The following LRIF1 variants were observed in gnomAD, a reference collection of about 807,000 sequenced individuals.
LRIF1 encodes the protein ligand dependent nuclear receptor interacting factor 1.
A neutral mutation model predicts 52.7 loss-of-function variants in LRIF1; 32 were observed. The observed-to-expected ratio is 0.61, with a 90% CI of 0.46 to 0.82. The LOEUF (loss-of-function observed/expected upper bound fraction) is 0.82, where lower values mean the gene tolerates loss of function less well. Among genes scored for constraint, LRIF1 ranks in the 40% least tolerant of loss-of-function variants. The pLI, the probability that LRIF1 is intolerant of heterozygous loss-of-function variation, is 0.00. For missense variants in LRIF1, 887 were observed against 892.0 expected (o/e 0.99, Z 0.07); for synonymous variants, 323 against 317.4 (o/e 1.02, Z -0.19).
At chr1:110,878,012 G>A in the LRIF1 span, among the ~76,000 whole-genome samples, 3 of 152,234 alleles carry the variant, frequency 2.0e-5, no homozygotes, top group African/African-American at 7.2e-5. Flanking sequence ...GCCTGGGACG[G>A]TGGAAAGAGC....
the LRIF1 span, among the ~76,000 whole-genome samples, chr1:110,936,160 C>T: frequency 1.3e-5 from 2 of 152,060 alleles, no homozygotes; most frequent in Admixed American, 1.3e-4. Context: ...AAGCTGAGGG[C>T]TTTCATCAAC....
chr1:110,903,455 C>T, the LRIF1 span, among the ~76,000 whole-genome samples: 2 of 152,098 alleles, frequency 1.3e-5, no homozygotes, highest in Admixed American at 6.5e-5. Context: ...GATAGGACAC[C>T]GGTCAGAGTT....
the LRIF1 span, among the ~76,000 whole-genome samples, chr1:110,886,869 A>ATATATATATATATATATATTTTT: frequency 8.3e-4 from 69 of 82,734 alleles, no homozygotes; most frequent in Non-Finnish European, 1.3e-3. Context: ...ATATATATAT[A>ATATATATATATATATATATTTTT]TTTTTTTTTT....
chr1:110,949,480 T>C (rs1181566619), intron 3 of LRIF1, among the ~76,000 whole-genome samples: 8 of 150,298 alleles, frequency 5.3e-5, no homozygotes, highest in Non-Finnish European at 7.4e-5. Flanking sequence ...AGTGCAATGG[T>C]GCGATCTCGG....
chr1:110,925,052 A>G, the LRIF1 span, among the ~76,000 whole-genome samples: 1 of 152,222 alleles, frequency 6.6e-6, no homozygotes, highest in Non-Finnish European at 1.5e-5. Context: ...AAAATCTACA[A>G]TGATGATTAA....
chr1:110,920,036 G>GTATTATATC, the LRIF1 span, among the ~76,000 whole-genome samples: 1 of 152,268 alleles, frequency 6.6e-6, no homozygotes, highest in South Asian at 2.1e-4. Flanking sequence ...AATCCAAAAT[G>GTATTATATC]CAGACACCAT....
In LRIF1 at chr1:110,948,146, A is replaced by C. The variant is rs1275726125; in HGVS notation, c.2123T>G (p.Leu708Trp). 1 of 1,614,114 alleles carries C rather than the reference A, an allele frequency of 6.2e-7. No homozygotes were observed. The highest frequency in any genetic ancestry group is 2.2e-5 in the East Asian group (1 of 44,870). ...YTHEKQEKGT[L>W]NSNAAYEQSH... Reference sequence around the variant, plus strand: ...TTGTTCATAAGCTGCATTTGAATTCAAAGTGCCTTTCTCTTGCTTCTCATG... The same window carrying C: ...TTGTTCATAAGCTGCATTTGAATTCCAAGTGCCTTTCTCTTGCTTCTCATG... The change falls in exon 4 of 4, where the codon TTG becomes TGG. Residue 708 changes from leucine to tryptophan, a missense_variant. By Grantham distance (61) the Leu-to-Trp change is moderately conservative. Transcript: ENST00000369763.
At chr1:110,893,647 G>C in the LRIF1 span, among the ~76,000 whole-genome samples, 1 of 152,208 alleles carries the variant, frequency 6.6e-6, no homozygotes, top group African/African-American at 2.4e-5. Flanking sequence ...TTAAACTGGA[G>C]CCAAGAGAAA....
the LRIF1 span, among the ~76,000 whole-genome samples, chr1:110,879,569 TTTTC>T: frequency 6.6e-6 from 1 of 152,200 alleles, no homozygotes; most frequent in Admixed American, 6.5e-5. Flanking sequence ...CACTGTTTTT[TTTTC>T]TTTATCTTGG....
the LRIF1 span, among the ~76,000 whole-genome samples, chr1:110,886,869 A>ATATATATATATATATATATATTTTT: frequency 1.8e-4 from 15 of 82,760 alleles, no homozygotes; most frequent in Non-Finnish European, 2.9e-4. Flanking sequence ...ATATATATAT[A>ATATATATATATATATATATATTTTT]TTTTTTTTTT....
At chr1:110,914,598 G>A in the LRIF1 span, among the ~76,000 whole-genome samples, 3 of 151,902 alleles carry the variant, frequency 2.0e-5, no homozygotes, top group Admixed American at 6.6e-5. Flanking sequence ...TACAAAAATC[G>A]TAAAATTAGC....
the LRIF1 span, among the ~76,000 whole-genome samples, chr1:110,922,296 G>T: frequency 1.3e-5 from 2 of 152,120 alleles, no homozygotes; most frequent in Non-Finnish European, 2.9e-5. Flanking sequence ...TCATTATTGT[G>T]GGAGTGGATT....
At chr1:110,901,532 A>AGAGGCCT in the LRIF1 span, among the ~76,000 whole-genome samples, 2 of 134,708 alleles carry the variant, frequency 1.5e-5, no homozygotes, top group African/African-American at 5.5e-5. Context: ...GCTGGAGTGC[A>AGAGGCCT]GAGGCCTGAT....
intron 2 of LRIF1, among the ~76,000 whole-genome samples, 173 bp from the exon 3 acceptor site, chr1:110,950,296 C>T (rs1658412599): frequency 6.6e-6 from 1 of 152,078 alleles, no homozygotes; most frequent in African/African-American, 2.4e-5. Flanking sequence ...TAAGGAAGTA[C>T]AAACTTAAAA....
the LRIF1 span, among the ~76,000 whole-genome samples, chr1:110,936,158 G>A: frequency 1.2e-4 from 19 of 152,092 alleles, no homozygotes; most frequent in African/African-American, 4.1e-4. Flanking sequence ...AAAAGCTGAG[G>A]GCTTTCATCA....
chr1:110,959,956 TACTA>T (rs1367584951), intron 1 of LRIF1, among the ~76,000 whole-genome samples: 1 of 152,086 alleles, frequency 6.6e-6, no homozygotes, highest in Non-Finnish European at 1.5e-5. Flanking sequence ...ATCCTTTTCT[TACTA>T]TCTATGACAT....
intron 1 of LRIF1, among the ~76,000 whole-genome samples, chr1:110,958,910 T>A (rs974882114): frequency 1.3e-5 from 2 of 152,242 alleles, no homozygotes; most frequent in Non-Finnish European, 2.9e-5. Context: ...TTCTAAAAAT[T>A]AATCTGCAGA....
At chr1:110,943,281 AAAGTT>A (rs745637588), downstream of LRIF1, among the ~76,000 whole-genome samples, 3 of 152,190 alleles carry the variant, frequency 2.0e-5, no homozygotes, top group Non-Finnish European at 4.4e-5. Context: ...ATTTCAGAAT[AAAGTT>A]AAGTAAGAGA....
chr1:110,903,226 A>T, the LRIF1 span, among the ~76,000 whole-genome samples: 1 of 152,224 alleles, frequency 6.6e-6, no homozygotes, highest in East Asian at 1.9e-4. Context: ...GGTAAGTCCT[A>T]GCATTGAACC....
Sources: gnomAD v4.1 joint callset for allele counts (sites outside exome capture counted in the v4.1 genomes callset) on GRCh38, gnomAD v4.1.1 for gene constraint, MANE v1.5 for transcripts, NCBI Gene and HGNC (gene_info 2026-07-23, HGNC 2026-07-21) for gene names.